The following NOL4L variants were observed in gnomAD, a reference collection of about 807,000 sequenced individuals.
The protein encoded by NOL4L is nucleolar protein 4 like.
Under a neutral mutation model 64.5 loss-of-function variants are expected in NOL4L, and 7 were observed. The ratio of observed to expected loss-of-function variants is 0.11; its 90% confidence interval spans 0.06 to 0.20. The LOEUF is 0.20. Ranked by LOEUF, NOL4L falls within the 10% of genes least tolerant of loss-of-function variation. NOL4L has a pLI of 1.00. For synonymous variants in NOL4L, 413 were observed against 401.0 expected (o/e 1.03, Z -0.36); for missense variants, 680 against 967.1 (o/e 0.70, Z 3.94).
intron 1 of NOL4L, among the ~76,000 whole-genome samples, chr20:32,552,686 T>TCAAAA (rs199802187): frequency 1.8e-4 from 27 of 151,514 alleles, no homozygotes; most frequent in South Asian, 6.3e-4. Context: ...AGACTCCGTC[T>TCAAAA]CAAAACAAAA....
At chr20:32,545,936 T>C (rs116328843) in intron 1 of NOL4L, among the ~76,000 whole-genome samples, 1,688 of 149,594 alleles carry the variant, frequency 0.011, 25 homozygotes, top group African/African-American at 0.041. Context: ...TAATTCTTTT[T>C]TTTTCTTTCT....
intron 3 of NOL4L, among the ~76,000 whole-genome samples, chr20:32,515,878 C>G (rs193118022): frequency 2.6e-5 from 4 of 152,228 alleles, no homozygotes; most frequent in Admixed American, 2.6e-4. Context: ...AGAGATCTTT[C>G]AACATCTCTT....
chr20:32,456,939 C>T (rs1014368255), intron 5 of NOL4L, among the ~76,000 whole-genome samples: 1 of 152,270 alleles, frequency 6.6e-6, no homozygotes, highest in Non-Finnish European at 1.5e-5. Context: ...CCATTCACTC[C>T]CTCCTGTAAG....
intron 4 of NOL4L, among the ~76,000 whole-genome samples, chr20:32,492,931 G>A (rs1472168536): frequency 6.6e-6 from 1 of 152,202 alleles, no homozygotes; most frequent in African/African-American, 2.4e-5. Flanking sequence ...GCCCTGCTAA[G>A]GTGAGACCAC....
intron 1 of NOL4L, among the ~76,000 whole-genome samples, chr20:32,539,494 C>A (rs150985612): frequency 6.6e-6 from 1 of 152,158 alleles, no homozygotes; most frequent in African/African-American, 2.4e-5. Context: ...TCAGCTGTGA[C>A]GTCCACGTGA....
chr20:32,554,438 CAG>C (rs1335593507), intron 1 of NOL4L, among the ~76,000 whole-genome samples: 4 of 151,886 alleles, frequency 2.6e-5, no homozygotes, highest in African/African-American at 4.8e-5. Context: ...GGCTCATGGG[CAG>C]AGAGACCCAG....
At chr20:32,502,525 G>A (rs545691957) in intron 4 of NOL4L, among the ~76,000 whole-genome samples, 9 of 152,104 alleles carry the variant, frequency 5.9e-5, no homozygotes, top group East Asian at 3.9e-4. Context: ...TCCGGGAGGC[G>A]GAGGCTGCAG....
rs753038079 is a variant in NOL4L at position 32,445,198 on chromosome 20, TACTA to T, written c.*2394_*2397del. The stretch of plus-strand genomic sequence containing the variant: ...CATTGAACCTACGCTCTTGCCGCAG[TACTA>T]AGGCAGGCTGGAGGGTGGTCAGTTC... On this transcript the variant is annotated 3_prime_UTR_variant, in exon 11 of 11. Transcript: ENST00000621426. 2.6e-5 allele frequency: 4 copies of T among 152,268 alleles called. No homozygotes were observed. Among genetic ancestry groups the T allele is most frequent in the Non-Finnish European group, 5.9e-5 (4 of 68,058 alleles). 9.4% of individuals were successfully genotyped at this position (152,268 alleles called of 1,614,324 possible). A position where few individuals can be genotyped will look rare whatever the true frequency, so the allele number is the denominator to read the frequency against.
At chr20:32,470,685 G>A (rs886861111) in intron 5 of NOL4L, among the ~76,000 whole-genome samples, 6 of 152,252 alleles carry the variant, frequency 3.9e-5, no homozygotes, top group East Asian at 1.9e-4. Flanking sequence ...GGGCTTGGCC[G>A]AGGGTCTTTA....
intron 10 of NOL4L, chr20:32,449,637 AG>A (rs2012671594): frequency 6.6e-6 from 1 of 152,262 alleles, no homozygotes; most frequent in African/African-American, 2.4e-5. Flanking sequence ...AATCAAACAC[AG>A]GGGGAAGGGG....
chr20:32,463,918 GA>G lies in NOL4L; in HGVS notation c.842-7524del, dbSNP rs1422489407. ...CCACAGGCCAGGTACACGGCCACTG[GA>G]GGCCAGCAGGCCCTGCGTGCAGACT... On this transcript the variant is annotated intron_variant, in intron 5 of 10. Coordinates refer to ENST00000621426, the MANE Select transcript of NOL4L (RefSeq NM_001256798.2). This position sits in a 1 kb window ranked among gnomAD's most constrained non-coding sequence, Gnocchi z 5.8. Among the ~76,000 whole-genome samples, 1 of 152,204 alleles carries G rather than the reference GA, an allele frequency of 6.6e-6. No homozygotes were observed. Among genetic ancestry groups the G allele is most frequent in the Admixed American group, 6.5e-5 (1 of 15,286 alleles).
At chr20:32,570,783 C>T (rs998870879) in intron 1 of NOL4L, among the ~76,000 whole-genome samples, 1 of 152,156 alleles carries the variant, frequency 6.6e-6, no homozygotes, top group Non-Finnish European at 1.5e-5. Context: ...GCAAGCAGGG[C>T]ATGCTTAGCT....
chr20:32,456,901 G>A (rs1048543496), intron 5 of NOL4L, among the ~76,000 whole-genome samples: 1 of 152,250 alleles, frequency 6.6e-6, no homozygotes, highest in African/African-American at 2.4e-5. Context: ...GCCGGAAGCA[G>A]GAAGGATGGC....
chr20:32,509,099 A>G (rs1394624131), intron 4 of NOL4L, among the ~76,000 whole-genome samples: 1 of 151,898 alleles, frequency 6.6e-6, no homozygotes, highest in Non-Finnish European at 1.5e-5. Flanking sequence ...AGCCCACCCT[A>G]AGTACCCCCA....
chr20:32,534,347 G>T (rs1448108390), intron 1 of NOL4L, among the ~76,000 whole-genome samples: 4 of 152,212 alleles, frequency 2.6e-5, no homozygotes, highest in Non-Finnish European at 4.4e-5. Context: ...CCACCCCAAA[G>T]GAAGCAAATC....
At chr20:32,509,683 T>C (rs762543738) in intron 4 of NOL4L, 145 of 1,130,230 alleles carry the variant, frequency 1.3e-4, no homozygotes, top group Non-Finnish European at 1.6e-4. Flanking sequence ...CCTCCTTCCA[T>C]TGACGCAAGT....
chr20:32,530,750 C>T (rs1411103449), intron 1 of NOL4L, among the ~76,000 whole-genome samples: 2 of 151,884 alleles, frequency 1.3e-5, no homozygotes, highest in East Asian at 1.9e-4. Context: ...GGAGAAACCC[C>T]GTCTCTACTA....
At chr20:32,574,982 C>T (rs1222705178) in intron 1 of NOL4L, among the ~76,000 whole-genome samples, 1 of 152,200 alleles carries the variant, frequency 6.6e-6, no homozygotes, top group Non-Finnish European at 1.5e-5. Context: ...TCCCACCTCA[C>T]CTAGCCCCAG....
intron 1 of NOL4L, among the ~76,000 whole-genome samples, chr20:32,577,669 T>G (rs1980200946): frequency 6.6e-6 from 1 of 152,106 alleles, no homozygotes; most frequent in African/African-American, 2.4e-5. Context: ...AACAAAGCGA[T>G]AATCTGTCTC....
Sources: allele counts gnomAD v4.1 joint callset (sites outside exome capture counted in the v4.1 genomes callset), GRCh38; gene constraint gnomAD v4.1.1; non-coding constraint Gnocchi (gnomAD v3.1); transcripts MANE v1.5; gene names NCBI Gene and HGNC (gene_info 2026-07-23, HGNC 2026-07-21).